The following RALGAPA2 variants were observed in gnomAD, a reference collection of about 807,000 sequenced individuals.
RALGAPA2 encodes Ral GTPase activating protein catalytic subunit alpha 2.
Under a neutral mutation model 230.4 loss-of-function variants are expected in RALGAPA2, and 139 were observed. The observed-to-expected ratio is 0.60, with a 90% CI of 0.53 to 0.69. The LOEUF is 0.69. Ranked by LOEUF, RALGAPA2 falls within the 30% of genes least tolerant of loss-of-function variation. The probability of loss-of-function intolerance (pLI) is 0.00; values close to 1 mark genes in which losing one functional copy is unlikely to be tolerated. For missense variants in RALGAPA2, 2,163 were observed against 2,276.0 expected, an observed-to-expected ratio of 0.95 and a Z score of 1.01; for synonymous variants, 847 against 837.8, an observed-to-expected ratio of 1.01 and a Z score of -0.19.
chr20:20,396,999 A>G (rs1185226918), intron 38 of RALGAPA2, among the ~76,000 whole-genome samples: 2 of 152,224 alleles, frequency 1.3e-5, no homozygotes, highest in Non-Finnish European at 2.9e-5. Context: ...GTCAGGATCT[A>G]TGCATGCAGA....
chr20:20,534,327 C>T (rs1232005372), intron 26 of RALGAPA2, among the ~76,000 whole-genome samples: 1 of 151,984 alleles, frequency 6.6e-6, no homozygotes, highest in East Asian at 1.9e-4. Flanking sequence ...CGCCTGTAGT[C>T]CCAGCTACTC....
chr20:20,691,767 G>A (rs957811154), intron 1 of RALGAPA2, among the ~76,000 whole-genome samples: 1 of 152,176 alleles, frequency 6.6e-6, no homozygotes, highest in Admixed American at 6.5e-5. Flanking sequence ...CTGGATGTAT[G>A]GTGGGGCCTA....
intron 31 of RALGAPA2, among the ~76,000 whole-genome samples, chr20:20,519,807 A>G (rs960332828): frequency 6.6e-6 from 1 of 152,118 alleles, no homozygotes; most frequent in African/African-American, 2.4e-5. Flanking sequence ...TCTTGGGCCT[A>G]GGTTTTTAAC....
At chr20:20,603,730 A>G (rs1003001742) in intron 15 of RALGAPA2, among the ~76,000 whole-genome samples, 10 of 152,224 alleles carry the variant, frequency 6.6e-5, no homozygotes, top group African/African-American at 2.4e-4. Context: ...AAAGACCAGC[A>G]GAAGAACTGA....
At chr20:20,659,889 T>C in intron 3 of RALGAPA2, 1 of 457,390 alleles carries the variant, frequency 2.2e-6, no homozygotes, top group South Asian at 1.8e-5. Context: ...ACAACTACAC[T>C]TTCTGGTATT....
chr20:20,580,827 T>C (rs2064962601), intron 20 of RALGAPA2, among the ~76,000 whole-genome samples: 1 of 152,202 alleles, frequency 6.6e-6, no homozygotes, highest in Non-Finnish European at 1.5e-5. Context: ...TGAAGGAATT[T>C]AAGATTTTGG....
In RALGAPA2 at chr20:20,635,579, T is replaced by C. The variant is rs1345054910; in HGVS notation, c.844A>G (p.Thr282Ala). ...HLRPKPVYIT[T>A]TRDNENIYST... ...TAAATGTTCTCATTGTCTCGAGTGG[T>C]AGTAATGTACACAGGCTTTGGTCTC... The change falls in exon 9 of 40, where the codon ACC (threonine) becomes GCC (alanine). Residue 282 changes from threonine to alanine, a missense_variant. Coordinates refer to ENST00000202677, the MANE Select transcript of RALGAPA2 (RefSeq NM_020343.4). 1 of 1,581,272 alleles carries C rather than the reference T, an allele frequency of 6.3e-7. No homozygotes were observed. The highest frequency in any genetic ancestry group is 1.4e-5 in the African/African-American group (1 of 72,456).
chr20:20,419,131 T>C (rs1447117529), intron 37 of RALGAPA2, among the ~76,000 whole-genome samples: 1 of 152,142 alleles, frequency 6.6e-6, no homozygotes, highest in African/African-American at 2.4e-5. Flanking sequence ...AATAATAACC[T>C]GGGATTACCT....
chr20:20,448,035 C>G (rs1444454943), intron 37 of RALGAPA2, among the ~76,000 whole-genome samples: 1 of 152,160 alleles, frequency 6.6e-6, no homozygotes, highest in Non-Finnish European at 1.5e-5. Context: ...ACAACTTTAA[C>G]GTTCATTTTT....
At chr20:20,422,005 T>TA (rs2060286955) in intron 37 of RALGAPA2, among the ~76,000 whole-genome samples, 1 of 152,254 alleles carries the variant, frequency 6.6e-6, no homozygotes, top group South Asian at 2.1e-4. Context: ...TTGCAAACAC[T>TA]ATGCTAAGTG....
intron 37 of RALGAPA2, among the ~76,000 whole-genome samples, chr20:20,440,654 G>A (rs139347737): frequency 7.9e-5 from 12 of 152,304 alleles, no homozygotes; most frequent in East Asian, 1.9e-4. Context: ...TCTCGCCCCC[G>A]GCCATACTGT....
At chr20:20,399,588 G>C (rs2059790643) in intron 38 of RALGAPA2, among the ~76,000 whole-genome samples, 1 of 152,188 alleles carries the variant, frequency 6.6e-6, no homozygotes, top group Non-Finnish European at 1.5e-5. Flanking sequence ...AGTCACTTTT[G>C]AAGAAAGATG....
chr20:20,537,375 T>C (rs867494146), intron 24 of RALGAPA2, among the ~76,000 whole-genome samples: 4 of 152,072 alleles, frequency 2.6e-5, no homozygotes, highest in Admixed American at 2.6e-4. Context: ...ATCCCAGCAC[T>C]TTGGGAGGCT....
At chr20:20,525,773 C>T (rs559278855) in intron 28 of RALGAPA2, among the ~76,000 whole-genome samples, 82 of 152,298 alleles carry the variant, frequency 5.4e-4, no homozygotes, top group African/African-American at 1.9e-3. Flanking sequence ...CCCCTCTTTC[C>T]TACCAGTTAC....
At chr20:20,601,271 GA>G (rs948929575) in intron 16 of RALGAPA2, among the ~76,000 whole-genome samples, 1 of 152,142 alleles carries the variant, frequency 6.6e-6, no homozygotes, top group African/African-American at 2.4e-5. Flanking sequence ...AGCAAAAAAT[GA>G]AAATGTCTAT....
intron 37 of RALGAPA2, among the ~76,000 whole-genome samples, chr20:20,443,808 G>T (rs1054943456): frequency 6.6e-6 from 1 of 152,352 alleles, no homozygotes; most frequent in African/African-American, 2.4e-5. Context: ...CTAAGTCCTG[G>T]ATAGCTGTTA....
At chr20:20,648,850 T>C (rs1376129989) in intron 4 of RALGAPA2, among the ~76,000 whole-genome samples, 5 of 151,820 alleles carry the variant, frequency 3.3e-5, no homozygotes, top group Admixed American at 2.6e-4. Context: ...AGAATTGGCA[T>C]GGGAGAAAAG....
At chr20:20,602,705 T>C (rs1163478191) in intron 15 of RALGAPA2, among the ~76,000 whole-genome samples, 1 of 152,244 alleles carries the variant, frequency 6.6e-6, no homozygotes, top group African/African-American at 2.4e-5. Flanking sequence ...AAATAATGTG[T>C]TCGGTACATT....
intron 26 of RALGAPA2, among the ~76,000 whole-genome samples, chr20:20,534,827 T>A (rs528242575): frequency 6.6e-6 from 1 of 152,310 alleles, no homozygotes; most frequent in Admixed American, 6.5e-5. Context: ...GCCATCAATA[T>A]AAAAGCAACT....
Sources: gnomAD v4.1 joint callset for allele counts (sites outside exome capture counted in the v4.1 genomes callset) on GRCh38, gnomAD v4.1.1 for gene constraint, MANE v1.5 for transcripts, NCBI Gene and HGNC (gene_info 2026-07-23, HGNC 2026-07-21) for gene names.